Variants in ARHGAP24 observed in about 807,000 individuals in gnomAD.
ARHGAP24 encodes rho GTPase-activating protein 24.
Under a neutral mutation model 76.4 loss-of-function variants are expected in ARHGAP24, and 50 were observed. That is an observed-to-expected ratio of 0.65 (90% CI 0.52 to 0.83). The LOEUF (loss-of-function observed/expected upper bound fraction) is 0.83, where lower values mean the gene tolerates loss of function less well. Ranked by LOEUF, ARHGAP24 falls within the 40% of genes least tolerant of loss-of-function variation. The pLI is 0.00. For synonymous variants in ARHGAP24, 345 were observed against 323.3 expected, an observed-to-expected ratio of 1.07 and a Z score of -0.72; for missense variants, 930 against 914.2, an observed-to-expected ratio of 1.02 and a Z score of -0.22.
intron 3 of ARHGAP24, among the ~76,000 whole-genome samples, chr4:85,730,985 T>TGC (rs1394418421): frequency 1.1e-4 from 12 of 110,284 alleles, no homozygotes; most frequent in African/African-American, 4.0e-4. Flanking sequence ...TTAATATAAC[T>TGC]GCACACACAC....
At chr4:85,828,059 T>A in intron 3 of ARHGAP24, 4 of 1,039,248 alleles carry the variant, frequency 3.8e-6, no homozygotes, top group Non-Finnish European at 5.3e-6. Context: ...TGGGGATATT[T>A]ATATCACCAC....
intron 3 of ARHGAP24, 94 bp downstream of exon 3, chr4:85,722,066 G>A: frequency 8.7e-7 from 1 of 1,150,594 alleles, no homozygotes; most frequent in East Asian, 2.5e-5. Context: ...TTTGAATCAT[G>A]ACTGAGAACC....
intron 2 of ARHGAP24, among the ~76,000 whole-genome samples, chr4:85,619,900 A>C (rs62317188): frequency 0.33 from 49,883 of 151,350 alleles, 9,201 homozygotes; most frequent in East Asian, 0.84. Flanking sequence ...CAAATGCCTT[A>C]TCTGCATCTA....
chr4:85,505,375 G>C (rs913788344), intron 1 of ARHGAP24, among the ~76,000 whole-genome samples: 1 of 152,030 alleles, frequency 6.6e-6, no homozygotes, highest in African/African-American at 2.4e-5. Flanking sequence ...ACGTTGATTT[G>C]GTCTTTTCAC....
intron 1 of ARHGAP24, 118 bp from the exon 2 acceptor site, chr4:85,570,378 CTTTCTTTCTTTCTTTCTTTCTTTCTT>C: frequency 1.1e-4 from 1 of 8,940 alleles, no homozygotes; most frequent in Non-Finnish European, 2.2e-4. Context: ...TTCTTTCTTT[CTTTCTTTCTTTCTTTCTTTCTTTCTT>C]TCTTTCTTTC....
chr4:85,863,157 T>C (rs192135333), intron 3 of ARHGAP24, among the ~76,000 whole-genome samples: 154 of 152,106 alleles, frequency 1.0e-3, no homozygotes, highest in African/African-American at 3.7e-3. Flanking sequence ...ATTCCTACAC[T>C]ACAACACAAC....
chr4:85,889,080 T>C (rs920946275), intron 3 of ARHGAP24, among the ~76,000 whole-genome samples: 15 of 152,236 alleles, frequency 9.9e-5, no homozygotes, highest in Non-Finnish European at 1.9e-4. Context: ...AGTGTTGCAG[T>C]AAACATACAC....
chr4:85,605,952 A>G (rs1306764717), intron 2 of ARHGAP24, among the ~76,000 whole-genome samples: 1 of 152,174 alleles, frequency 6.6e-6, no homozygotes, highest in East Asian at 1.9e-4. Context: ...AATTATACTT[A>G]TTTATGGTAG....
chr4:85,634,896 T>C (rs1721265046), intron 2 of ARHGAP24, among the ~76,000 whole-genome samples: 1 of 151,784 alleles, frequency 6.6e-6, no homozygotes, highest in Non-Finnish European at 1.5e-5. Context: ...TTTTTCCTTA[T>C]CCTTCAAGTA....
intron 9 of ARHGAP24, among the ~76,000 whole-genome samples, chr4:85,997,265 GATAGGTAGGTAGGTAA>G (rs957559957): frequency 4.5e-4 from 69 of 152,160 alleles, no homozygotes; most frequent in African/African-American, 1.6e-3. Flanking sequence ...TGGATGGATA[GATAGGTAGGTAGGTAA>G]ATAGGTAGGT....
At chr4:85,787,847 TG>T (rs1727924020) in intron 3 of ARHGAP24, among the ~76,000 whole-genome samples, 1 of 152,112 alleles carries the variant, frequency 6.6e-6, no homozygotes, top group Non-Finnish European at 1.5e-5. Flanking sequence ...CAGATCACAC[TG>T]GGAAAATCTA....
chr4:85,476,854 C>T (rs1722619669), intron 1 of ARHGAP24, among the ~76,000 whole-genome samples: 1 of 151,774 alleles, frequency 6.6e-6, no homozygotes, highest in African/African-American at 2.4e-5. Context: ...TTTTAAATTT[C>T]TTAATTCTTC....
intron 1 of ARHGAP24, among the ~76,000 whole-genome samples, chr4:85,489,188 C>T (rs998626781): frequency 6.6e-6 from 1 of 152,056 alleles, no homozygotes; most frequent in South Asian, 2.1e-4. Flanking sequence ...AGATTTCATG[C>T]AGAAAGTAAA....
At chr4:85,881,149 A>G (rs1733229614) in intron 3 of ARHGAP24, among the ~76,000 whole-genome samples, 1 of 152,202 alleles carries the variant, frequency 6.6e-6, no homozygotes. Flanking sequence ...ACTAAGTGAC[A>G]GACAGGCAGG....
intron 3 of ARHGAP24, chr4:85,778,765 A>T (rs1450348810): frequency 1.0e-6 from 1 of 985,286 alleles, no homozygotes; most frequent in African/African-American, 1.7e-5. Flanking sequence ...CTACAGGAAG[A>T]GTTTATATCC....
chr4:85,617,306 C>G (rs1342679603), intron 2 of ARHGAP24, among the ~76,000 whole-genome samples: 3 of 150,370 alleles, frequency 2.0e-5, no homozygotes, highest in Non-Finnish European at 4.4e-5. Flanking sequence ...TTTAAATGTT[C>G]AAAAGAGTGT....
intron 3 of ARHGAP24, among the ~76,000 whole-genome samples, chr4:85,904,374 A>G (rs1256662805): frequency 1.3e-5 from 2 of 152,176 alleles, no homozygotes; most frequent in Non-Finnish European, 1.5e-5. Flanking sequence ...TTGAGAACTC[A>G]CTATCATGGA....
intron 3 of ARHGAP24, among the ~76,000 whole-genome samples, chr4:85,852,014 A>T (rs1444364751): frequency 6.6e-6 from 1 of 152,144 alleles, no homozygotes; most frequent in African/African-American, 2.4e-5. Flanking sequence ...AGGTTGGGGA[A>T]GTTCTCCTGA....
intron 4 of ARHGAP24, among the ~76,000 whole-genome samples, chr4:85,924,523 A>C (rs1375048445): frequency 6.6e-6 from 1 of 152,176 alleles, no homozygotes; most frequent in Non-Finnish European, 1.5e-5. Flanking sequence ...CCTAATTTTT[A>C]TATGGTGATA....
Sources: allele counts gnomAD v4.1 joint callset (sites outside exome capture counted in the v4.1 genomes callset), GRCh38; gene constraint gnomAD v4.1.1; transcripts MANE v1.5; gene names NCBI Gene and HGNC (gene_info 2026-07-23, HGNC 2026-07-21).